ST6GALNAC3: variants seen among roughly 807,000 people sequenced by gnomAD.
ST6GALNAC3 encodes alpha-N-acetylgalactosaminide alpha-2,6-sialyltransferase 3.
Under a neutral mutation model 32.7 loss-of-function variants are expected in ST6GALNAC3, and 25 were observed. That is an observed-to-expected ratio of 0.76 (90% CI 0.56 to 1.07). ST6GALNAC3 has a LOEUF of 1.07. ST6GALNAC3 is among the 50% of genes least tolerant of loss of function. The probability of loss-of-function intolerance (pLI) is 0.00; values close to 1 mark genes in which losing one functional copy is unlikely to be tolerated. For missense variants in ST6GALNAC3, 355 were observed against 382.4 expected (o/e 0.93, Z 0.60); for synonymous variants, 129 against 133.1 (o/e 0.97, Z 0.21).
intron 1 of ST6GALNAC3, among the ~76,000 whole-genome samples, chr1:76,301,656 C>T (rs958541426): frequency 2.6e-5 from 4 of 151,840 alleles, no homozygotes; most frequent in South Asian, 2.1e-4. Flanking sequence ...GCTTGTGTTT[C>T]GGTGAAAGAC....
intron 1 of ST6GALNAC3, among the ~76,000 whole-genome samples, chr1:76,116,801 A>G (rs11583963): frequency 0.11 from 16,147 of 152,190 alleles, 1,079 homozygotes; most frequent in Non-Finnish European, 0.14. Flanking sequence ...GCCTGGTGGC[A>G]TGTGCCTGTA....
intron 2 of ST6GALNAC3, among the ~76,000 whole-genome samples, chr1:76,338,809 G>A (rs140648428): frequency 6.6e-6 from 1 of 151,782 alleles, no homozygotes; most frequent in African/African-American, 2.4e-5. Flanking sequence ...CAAAGAAATG[G>A]GGTGAAGTCC....
At chr1:76,217,812 C>T (rs1655553756) in intron 1 of ST6GALNAC3, among the ~76,000 whole-genome samples, 1 of 152,198 alleles carries the variant, frequency 6.6e-6, no homozygotes, top group Non-Finnish European at 1.5e-5. Flanking sequence ...ATAGTAGTCT[C>T]CAGTTCTATC....
At chr1:76,616,713 T>A (rs1474906004) in intron 3 of ST6GALNAC3, among the ~76,000 whole-genome samples, 1 of 152,134 alleles carries the variant, frequency 6.6e-6, no homozygotes, top group Non-Finnish European at 1.5e-5. Flanking sequence ...CTTTCCTAAT[T>A]GAATTAGCCT....
At chr1:76,325,076 G>T (rs1647042539) in intron 2 of ST6GALNAC3, among the ~76,000 whole-genome samples, 1 of 152,170 alleles carries the variant, frequency 6.6e-6, no homozygotes, top group Non-Finnish European at 1.5e-5. Flanking sequence ...ATACAGGAAG[G>T]TTTGCTTTTA....
At position 76,634,296 on chromosome 1, in the gene ST6GALNAC3, C is replaced by A; in HGVS notation, c.*5490C>A. 1 of 411,698 alleles carries A rather than the reference C, an allele frequency of 2.4e-6. No individual in the cohort carries two copies. Among genetic ancestry groups the A allele is most frequent in the Non-Finnish European group, 3.3e-6 (1 of 305,712 alleles). 25.5% of individuals were successfully genotyped at this position (411,698 alleles called of 1,614,324 possible). On this transcript the variant is annotated 3_prime_UTR_variant, in exon 5 of 5. Transcript: ENST00000328299. Reference sequence around the variant, plus strand: ...AAACTTCAAAAAGATCAAAACGAGGCAATTTTATAGCTTTTTGTTACCTAA... The same window carrying A: ...AAACTTCAAAAAGATCAAAACGAGGAAATTTTATAGCTTTTTGTTACCTAA...
chr1:76,537,677 A>G (rs1364981538), intron 3 of ST6GALNAC3, among the ~76,000 whole-genome samples: 3 of 152,218 alleles, frequency 2.0e-5, no homozygotes, highest in Non-Finnish European at 4.4e-5. Flanking sequence ...AAGAAATGAT[A>G]AAGAGGATGT....
intron 1 of ST6GALNAC3, among the ~76,000 whole-genome samples, chr1:76,155,974 G>T (rs1173569265): frequency 6.6e-6 from 1 of 152,058 alleles, no homozygotes; most frequent in Non-Finnish European, 1.5e-5. Context: ...TACCTTAGTT[G>T]TCATGTCTTC....
rs533502102 is a variant in ST6GALNAC3 at position 76,602,360 on chromosome 1, TAGA to T, written c.624-25085_624-25083del. 2.6e-3 allele frequency among the ~76,000 whole-genome samples: 397 copies of T among 152,088 alleles called. 3 individuals are homozygous for T. Among genetic ancestry groups the T allele is most frequent in the African/African-American group, 9.2e-3 (381 of 41,472 alleles). On this transcript the variant is annotated intron_variant, in intron 3 of 4. Coordinates refer to ENST00000328299, the MANE Select transcript of ST6GALNAC3 (RefSeq NM_152996.4). ...GTGCATGTGCGTGTGCCTGTGCATG[TAGA>T]AGAAGATCATAAGTGAGTGTGGGTG...
intron 3 of ST6GALNAC3, among the ~76,000 whole-genome samples, chr1:76,558,911 T>A (rs1214605595): frequency 3.9e-5 from 6 of 152,018 alleles, no homozygotes; most frequent in African/African-American, 2.4e-5. Context: ...CAACTTCCTA[T>A]AAATACACAA....
chr1:76,508,875 A>G (rs1207032818), intron 3 of ST6GALNAC3, among the ~76,000 whole-genome samples: 3 of 152,216 alleles, frequency 2.0e-5, no homozygotes, highest in Non-Finnish European at 4.4e-5. Flanking sequence ...AAGAACCAAT[A>G]AGAAAATTTT....
chr1:76,608,732 TG>T (rs770510522), intron 3 of ST6GALNAC3, among the ~76,000 whole-genome samples: 3 of 152,190 alleles, frequency 2.0e-5, no homozygotes, highest in South Asian at 2.1e-4. Context: ...ATTAACCCTT[TG>T]AATTCCGTTT....
At chr1:76,332,676 G>A (rs975289197) in intron 2 of ST6GALNAC3, among the ~76,000 whole-genome samples, 3 of 152,070 alleles carry the variant, frequency 2.0e-5, no homozygotes. Flanking sequence ...TAGTCCTTAC[G>A]ACCATTCATT....
chr1:76,559,197 A>C lies in ST6GALNAC3; in HGVS notation c.624-68255A>C, dbSNP rs13374436. ...GCTGGTTCAAGAAGGCCAAATCTAG[A>C]AACCACTACCATAGATGACGGGAAG... On this transcript the variant is annotated intron_variant, in intron 3 of 4. Transcript: ENST00000328299. 7.9e-3 allele frequency among the ~76,000 whole-genome samples: 1,197 copies of C among 152,292 alleles called. 11 individuals carry two copies. The highest frequency in any genetic ancestry group is 0.027 in the African/African-American group (1,125 of 41,556).
chr1:76,585,284 G>A (rs1444336153), intron 3 of ST6GALNAC3, among the ~76,000 whole-genome samples: 4 of 152,054 alleles, frequency 2.6e-5, no homozygotes, highest in Non-Finnish European at 4.4e-5. Context: ...TACTTGGGGG[G>A]CTGAGACAGG....
rs148368895 is a variant in ST6GALNAC3, at chr1:76,346,825, A to T, written c.213+32826A>T. On this transcript the variant is annotated intron_variant, in intron 2 of 4. Transcript: ENST00000328299. ...ACTTAAAAATTAAATAAGGGAATGT[A>T]TACACTGTTCTTAGCATAGTCCCTG... 5.3e-3 allele frequency among the ~76,000 whole-genome samples: 803 copies of T among 152,328 alleles called. 4 individuals are homozygous for T. The highest frequency in any genetic ancestry group is 0.018 in the African/African-American group (763 of 41,578).
At chr1:76,297,345 C>G (rs1004977576) in intron 1 of ST6GALNAC3, among the ~76,000 whole-genome samples, 5 of 151,896 alleles carry the variant, frequency 3.3e-5, no homozygotes, top group African/African-American at 1.2e-4. Context: ...ATTGATTCAC[C>G]AACATCTCTT....
chr1:76,307,997 T>C (rs900144533), intron 1 of ST6GALNAC3: 3 of 437,168 alleles, frequency 6.9e-6, no homozygotes, highest in African/African-American at 4.0e-5. Flanking sequence ...GGGATTAAAT[T>C]CTAAATGTCT....
intron 2 of ST6GALNAC3, among the ~76,000 whole-genome samples, chr1:76,316,391 G>A (rs943140513): frequency 6.6e-6 from 1 of 152,050 alleles, no homozygotes; most frequent in East Asian, 1.9e-4. Flanking sequence ...AAATATTGAT[G>A]AGTAGGAGAA....
Sources: gnomAD v4.1 joint callset for allele counts (sites outside exome capture counted in the v4.1 genomes callset) on GRCh38, gnomAD v4.1.1 for gene constraint, MANE v1.5 for transcripts, NCBI Gene and HGNC (gene_info 2026-07-23, HGNC 2026-07-21) for gene names.